The following AUTS2 variants were observed in gnomAD, a reference collection of about 807,000 sequenced individuals.
The protein encoded by AUTS2 is activator of transcription and developmental regulator AUTS2.
Under a neutral mutation model 112.4 loss-of-function variants are expected in AUTS2, and 17 were observed. That is an observed-to-expected ratio of 0.15 (90% confidence interval 0.10 to 0.23). The LOEUF (loss-of-function observed/expected upper bound fraction) is 0.23, where lower values mean the gene tolerates loss of function less well. Among genes scored for constraint, AUTS2 ranks in the 10% least tolerant of loss-of-function variants. The probability of loss-of-function intolerance (pLI) is 1.00; values close to 1 mark genes in which losing one functional copy is unlikely to be tolerated. For synonymous variants in AUTS2, 751 were observed against 702.7 expected (o/e 1.07, Z -1.09); for missense variants, 1,510 against 1,701.6 (o/e 0.89, Z 1.98).
chr7:70,680,050 T>G (rs1460266435), intron 5 of AUTS2, among the ~76,000 whole-genome samples: 3 of 152,202 alleles, frequency 2.0e-5, no homozygotes, highest in Non-Finnish European at 4.4e-5. Flanking sequence ...TTAGAAGGAT[T>G]AAATGCAGAC....
At chr7:70,346,594 C>T (rs1170820091) in intron 4 of AUTS2, among the ~76,000 whole-genome samples, 1 of 152,162 alleles carries the variant, frequency 6.6e-6, no homozygotes, top group South Asian at 2.1e-4. Flanking sequence ...ACATGTCTCT[C>T]TGTCTTCCTG....
At chr7:70,473,712 CTT>C (rs112680628) in intron 5 of AUTS2, among the ~76,000 whole-genome samples, 47 of 130,462 alleles carry the variant, frequency 3.6e-4, no homozygotes, top group Non-Finnish European at 4.5e-4. Flanking sequence ...TTTGGTGGGG[CTT>C]TTTTTTTTTT....
chr7:70,010,259 C>T (rs1339451365), intron 2 of AUTS2, among the ~76,000 whole-genome samples: 1 of 152,150 alleles, frequency 6.6e-6, no homozygotes, highest in Non-Finnish European at 1.5e-5. Flanking sequence ...GATCCTCCCA[C>T]CTCAGCCTCC....
At chr7:69,829,090 C>T (rs1791381992) in intron 1 of AUTS2, among the ~76,000 whole-genome samples, 1 of 152,110 alleles carries the variant, frequency 6.6e-6, no homozygotes, top group Admixed American at 6.5e-5. Context: ...TAGGACCACA[C>T]ATCTAAAACC....
At chr7:70,351,058 T>TC (rs1314975618) in intron 4 of AUTS2, among the ~76,000 whole-genome samples, 2 of 151,450 alleles carry the variant, frequency 1.3e-5, no homozygotes, top group Non-Finnish European at 3.0e-5. Context: ...TCTTCTTTTT[T>TC]TTTTTTTTTT....
intron 4 of AUTS2, among the ~76,000 whole-genome samples, chr7:70,431,449 G>A (rs1367243965): frequency 6.6e-6 from 1 of 152,098 alleles, no homozygotes; most frequent in Non-Finnish European, 1.5e-5. Flanking sequence ...AGGGTGGAGT[G>A]ATCTCAGCTC....
rs1554442245 is a variant in AUTS2, at chr7:70,615,275, ATG to A, written c.691-83286_691-83285del. On this transcript the variant is annotated intron_variant, in intron 5 of 18. Transcript: ENST00000342771. ...GAGCAGGAAACACCAGTAGTCCTGG[ATG>A]TGTGTGTACTTGTTAGAAATACCTG... is the stretch of plus-strand genomic sequence containing the variant. Among the ~76,000 whole-genome samples, 62 of 151,462 alleles carry A rather than the reference ATG, an allele frequency of 4.1e-4. 1 individual carries two copies. Among genetic ancestry groups the A allele is most frequent in the African/African-American group, 1.3e-3 (55 of 41,328 alleles).
At chr7:69,721,717 G>A (rs1195406759) in intron 1 of AUTS2, among the ~76,000 whole-genome samples, 1 of 152,212 alleles carries the variant, frequency 6.6e-6, no homozygotes, top group African/African-American at 2.4e-5. Context: ...GCTAGAGATG[G>A]TCATCACAGA....
intron 5 of AUTS2, among the ~76,000 whole-genome samples, chr7:70,484,570 C>T (rs749813614): frequency 2.0e-5 from 3 of 152,124 alleles, no homozygotes; most frequent in Non-Finnish European, 4.4e-5. Context: ...GATAATTATG[C>T]CCTCCCCAGG....
In AUTS2 at chr7:69,944,953, A is replaced by AAAAC. The variant is rs111474854; in HGVS notation, c.522+45470_522+45473dup. On this transcript the variant is annotated intron_variant, in intron 2 of 18. Transcript: ENST00000342771. ...TTTGAGAAGCAGTTGTATGTAGGTAAAAACAAACAAACAAACAACTTGGTA... is the reference window on the plus strand; with the variant it reads ...TTTGAGAAGCAGTTGTATGTAGGTAAAAACAAACAAACAAACAAACAACTTGGTA... Among the ~76,000 whole-genome samples, 168 of 152,254 alleles carry AAAAC rather than the reference A, an allele frequency of 1.1e-3. 5 individuals are homozygous for AAAAC. The highest frequency in any genetic ancestry group is 3.7e-3 in the African/African-American group (155 of 41,546).
At chr7:69,874,212 G>A (rs1336170821) in intron 1 of AUTS2, among the ~76,000 whole-genome samples, 2 of 147,056 alleles carry the variant, frequency 1.4e-5, no homozygotes, top group African/African-American at 2.5e-5. Flanking sequence ...TGGCAACATA[G>A]TGAGACCGTG....
intron 1 of AUTS2, among the ~76,000 whole-genome samples, chr7:69,632,857 T>C (rs1218900478): frequency 6.6e-6 from 1 of 152,142 alleles, no homozygotes; most frequent in African/African-American, 2.4e-5. Flanking sequence ...TTATTTATTT[T>C]TAAAATAAGT....
chr7:70,342,862 CT>C (rs1791331543), intron 4 of AUTS2, among the ~76,000 whole-genome samples: 1 of 152,144 alleles, frequency 6.6e-6, no homozygotes, highest in African/African-American at 2.4e-5. Context: ...ATTCCCTTGG[CT>C]TGTGCTATCT....
chr7:69,915,472 T>A (rs917285605), intron 2 of AUTS2, among the ~76,000 whole-genome samples: 1 of 152,198 alleles, frequency 6.6e-6, no homozygotes, highest in Non-Finnish European at 1.5e-5. Context: ...ATTATTAAAA[T>A]CTCAGTGGCT....
Position 69,616,483 on chromosome 7 carries a change from C to A in AUTS2, c.309+16521C>A, listed in dbSNP as rs148314389. Among the ~76,000 whole-genome samples the A allele has an allele frequency of 3.6e-4, 55 of 152,268 alleles. No individual in the cohort carries two copies. In the East Asian group the frequency reaches 0.011, roughly 29 times the overall value. ...ATAGAGCCTGGAAAGAGACCACCCCCTGAATCCTGCCCTTTGTAGTTGGAT... is the reference window on the plus strand; with the variant it reads ...ATAGAGCCTGGAAAGAGACCACCCCATGAATCCTGCCCTTTGTAGTTGGAT... On this transcript the variant is annotated intron_variant, in intron 1 of 18. Transcript: ENST00000342771.
rs551646511 is a variant in AUTS2, at chr7:70,050,723, G to A, written c.523-67409G>A. ...TAAATAGCTAATTGAAGCCAGGCGC[G>A]GTGGCTCATGCCTGTAATTCCAGCA... On this transcript the variant is annotated intron_variant, in intron 2 of 18. Transcript: ENST00000342771. Among the ~76,000 whole-genome samples the A allele has an allele frequency of 2.3e-4, 35 of 152,142 alleles. 1 individual carries two copies. Among genetic ancestry groups the A allele is most frequent in the Non-Finnish European group, 1.0e-4 (7 of 68,034 alleles).
intron 4 of AUTS2, among the ~76,000 whole-genome samples, chr7:70,406,569 T>C (rs1401443162): frequency 6.6e-6 from 1 of 152,210 alleles, no homozygotes; most frequent in Admixed American, 6.5e-5. Flanking sequence ...AAGAAATGTT[T>C]AGTCTCCCCC....
chr7:69,935,165 A>G (rs906840682), intron 2 of AUTS2, among the ~76,000 whole-genome samples: 1 of 134,568 alleles, frequency 7.4e-6, no homozygotes, highest in East Asian at 2.1e-4. Flanking sequence ...ATGTGTATAA[A>G]GGACTCTGGG....
chr7:70,130,565 G>T (rs1806219198), intron 3 of AUTS2, among the ~76,000 whole-genome samples: 1 of 152,062 alleles, frequency 6.6e-6, no homozygotes. Context: ...TTATGTTCCT[G>T]CAGCCCGTGG....
Sources: gnomAD v4.1 joint callset for allele counts (sites outside exome capture counted in the v4.1 genomes callset) on GRCh38, gnomAD v4.1.1 for gene constraint, MANE v1.5 for transcripts, NCBI Gene and HGNC (gene_info 2026-07-23, HGNC 2026-07-21) for gene names.